The following CAMK2A variants were observed in gnomAD, a reference collection of about 807,000 sequenced individuals.
CAMK2A encodes calcium/calmodulin-dependent protein kinase type II subunit alpha.
In CAMK2A, 7 loss-of-function variants were observed where a neutral mutation model predicts 79.2. The observed-to-expected ratio is 0.09, with a 90% CI of 0.05 to 0.17. The LOEUF (loss-of-function observed/expected upper bound fraction) is 0.17, where lower values mean the gene tolerates loss of function less well. Among genes scored for constraint, CAMK2A ranks in the 10% least tolerant of loss-of-function variants. The pLI is 1.00. For missense variants in CAMK2A, 214 were observed against 646.4 expected (o/e 0.33, Z 7.25); for synonymous variants, 242 against 251.7 (o/e 0.96, Z 0.36).
chr5:150,226,058 T>C (rs1338745119), intron 17 of CAMK2A, among the ~76,000 whole-genome samples: 2 of 152,210 alleles, frequency 1.3e-5, no homozygotes. Flanking sequence ...GAATTCAATC[T>C]TCCTTGTTAG....
At position 150,223,053 on chromosome 5, in the gene CAMK2A, G is replaced by A. The variant is rs754732557; in HGVS notation, c.1402C>T (p.Arg468Cys). The change falls in exon 18 of 19, where the codon CGC becomes TGC. Residue 468 changes from arginine (R) to cysteine (C), a missense_variant. By Grantham distance (180) the Arg-to-Cys change is radical (BLOSUM62 -3). This residue lies in a region of CAMK2A where 123 missense variants were observed against 242.4 expected (regional missense o/e 0.51). Coordinates refer to ENST00000671881, the MANE Select transcript of CAMK2A (RefSeq NM_015981.4). The surrounding 1 kb of genome is among the most constrained non-coding windows in gnomAD (Gnocchi z 4.1). ...ACGATCTGCCATTTGCCATCCCGGC[G>A]GTGCCAGACACGGGTCTCCTCCGAC... ...AQSEETRVWH[R>C]RDGKWQIVHF... 18 of 1,614,130 alleles carry A rather than the reference G, an allele frequency of 1.1e-5. No homozygotes were observed. The highest frequency in any genetic ancestry group is 1.6e-4 in the Middle Eastern group (1 of 6,084).
In CAMK2A at chr5:150,222,731, G is replaced by C. The variant is rs751913190; in HGVS notation, c.1467-18C>G. On this transcript the variant is annotated intron_variant, in intron 18 of 18. Transcript: ENST00000671881. ...TCCCTCAGCTGTAAGACACACACGG[G>C]GTGCTTCTCAGGGCATGGTGTTTCC... 2.0e-5 allele frequency: 33 copies of C among 1,613,842 alleles called. No individual in the cohort carries two copies. The East Asian group carries it at 6.0e-4, about 29-fold the overall frequency.
chr5:150,228,420 G>A (rs1754699413), intron 16 of CAMK2A, 134 bp from the exon 17 acceptor site: 1 of 641,074 alleles, frequency 1.6e-6, no homozygotes, highest in Non-Finnish European at 2.7e-6. Flanking sequence ...GAAGGGGCCA[G>A]GGGCTTGCAA....
chr5:150,222,882 T>C, intron 18 of CAMK2A, 107 bp downstream of exon 18: 2 of 1,399,670 alleles, frequency 1.4e-6, no homozygotes, highest in Non-Finnish European at 2.0e-6. Context: ...CACCCCACTC[T>C]GCAGCCTTTC....
Position 150,221,746 on chromosome 5 carries a change from T to C in CAMK2A, c.*964A>G, listed in dbSNP as rs1469343404. On this transcript the variant is annotated 3_prime_UTR_variant, in exon 19 of 19. Coordinates refer to ENST00000671881, the MANE Select transcript of CAMK2A (RefSeq NM_015981.4). Reference sequence around the variant, plus strand: ...CAGGTGACAAGGTCCACCTCAGAGATGACAAAAAAAAAAAAAAAAACTAGA... The same window carrying C: ...CAGGTGACAAGGTCCACCTCAGAGACGACAAAAAAAAAAAAAAAAACTAGA... 5.7e-6 allele frequency: 2 copies of C among 348,754 alleles called. No homozygotes were observed. The highest frequency in any genetic ancestry group is 6.0e-5 in the African/African-American group (2 of 33,274). The allele number at this position is 348,754 out of a possible 1,614,324, so 21.6% of individuals were successfully genotyped here. A position where few individuals can be genotyped will look rare whatever the true frequency, so the allele number is the denominator to read the frequency against.
At chr5:150,247,952 C>T (rs1755647260) in intron 11 of CAMK2A, 138 bp from the exon 12 acceptor site, 2 of 702,218 alleles carry the variant, frequency 2.8e-6, no homozygotes, top group Non-Finnish European at 4.9e-6. Flanking sequence ...CTGCCCTGCC[C>T]CTCCATTTGT....
At position 150,276,535 on chromosome 5, in the gene CAMK2A, C is replaced by T. The variant is rs1201786946; in HGVS notation, c.63-3376G>A. Among the ~76,000 whole-genome samples, 8 of 152,328 alleles carry T rather than the reference C, an allele frequency of 5.3e-5. No homozygotes were observed. In the South Asian group the frequency reaches 6.2e-4, roughly 12 times the overall value. Reference sequence around the variant, plus strand: ...TAGTCTCTCAAAGGTGCCCACCCTACCCAGGCATGGGGATGGACCCCAAAG... The same window carrying T: ...TAGTCTCTCAAAGGTGCCCACCCTATCCAGGCATGGGGATGGACCCCAAAG... On this transcript the variant is annotated intron_variant, in intron 1 of 18. Coordinates refer to ENST00000671881, the MANE Select transcript of CAMK2A (RefSeq NM_015981.4).
intron 7 of CAMK2A, among the ~76,000 whole-genome samples, 158 bp from the exon 8 acceptor site, chr5:150,252,223 C>T (rs1411067888): frequency 2.6e-5 from 4 of 152,130 alleles, no homozygotes; most frequent in Non-Finnish European, 4.4e-5. Flanking sequence ...TTGTGCAACC[C>T]CAGTCGGCCC....
intron 1 of CAMK2A, among the ~76,000 whole-genome samples, chr5:150,278,851 A>G (rs1379606066): frequency 6.6e-6 from 1 of 152,100 alleles, no homozygotes; most frequent in Non-Finnish European, 1.5e-5. Context: ...GGTGTGACAA[A>G]GCACACGTAT....
intron 15 of CAMK2A, among the ~76,000 whole-genome samples, chr5:150,236,578 T>C (rs1248925866): frequency 6.6e-6 from 1 of 152,198 alleles, no homozygotes; most frequent in Non-Finnish European, 1.5e-5. Context: ...TGGACTCCAG[T>C]GGAGAAGACA....
chr5:150,282,877 G>A (rs1351067928), intron 1 of CAMK2A, among the ~76,000 whole-genome samples: 3 of 152,248 alleles, frequency 2.0e-5, no homozygotes, highest in African/African-American at 7.2e-5. Flanking sequence ...ACTAGCTCCT[G>A]AGGCCACAGC....
intron 2 of CAMK2A, among the ~76,000 whole-genome samples, chr5:150,271,532 C>G (rs1756749984): frequency 6.6e-6 from 1 of 152,228 alleles, no homozygotes; most frequent in Admixed American, 6.5e-5. Context: ...GGCCCTGGCC[C>G]CACACAGCTG....
chr5:150,279,522 C>A (rs1286931754), intron 1 of CAMK2A, among the ~76,000 whole-genome samples: 2 of 152,214 alleles, frequency 1.3e-5, no homozygotes, highest in Non-Finnish European at 2.9e-5. Context: ...ATAGTAAATG[C>A]TCAAGGAACA....
Position 150,250,685 on chromosome 5 carries a change from C to T in CAMK2A, c.816+3G>A. 1 of 1,614,038 alleles carries T rather than the reference C, an allele frequency of 6.2e-7. No individual in the cohort carries two copies. Among genetic ancestry groups the T allele is most frequent in the Non-Finnish European group, 8.5e-7 (1 of 1,179,924 alleles). On this transcript the variant is annotated splice_donor_region_variant and intron_variant, in intron 10 of 18. Coordinates refer to ENST00000671881, the MANE Select transcript of CAMK2A (RefSeq NM_015981.4). ...GGGAGAAGTCCTGCTGAGGAAGGCTCACCGAGATCCAGGGGTGCTTAAGGG... is the reference window on the plus strand; with the variant it reads ...GGGAGAAGTCCTGCTGAGGAAGGCTTACCGAGATCCAGGGGTGCTTAAGGG...
At chr5:150,273,197 C>T in intron 1 of CAMK2A, 38 bp from the exon 2 acceptor site, 3 of 1,488,780 alleles carry the variant, frequency 2.0e-6, no homozygotes, top group Non-Finnish European at 2.8e-6. Context: ...TGAGGGAATG[C>T]CTGAGGGCTG....
intron 15 of CAMK2A, among the ~76,000 whole-genome samples, chr5:150,234,707 C>A (rs1235191071): frequency 6.6e-6 from 1 of 152,146 alleles, no homozygotes. Flanking sequence ...CCTGGAGTCT[C>A]TAGTCAGGGC....
Position 150,219,901 on chromosome 5 carries a change from T to C in CAMK2A, c.*2809A>G, listed in dbSNP as rs1754222150. On this transcript the variant is annotated 3_prime_UTR_variant, in exon 19 of 19. Coordinates refer to ENST00000671881, the MANE Select transcript of CAMK2A (RefSeq NM_015981.4). The stretch of plus-strand genomic sequence containing the variant: ...ATTATTATTATTATTATTTTGCATC[T>C]AAAGGATGTTTTGGAGGAGCACAGA... 1 of 152,138 alleles carries C rather than the reference T, an allele frequency of 6.6e-6. No individual in the cohort carries two copies. The highest frequency in any genetic ancestry group is 1.5e-5 in the Non-Finnish European group (1 of 67,980). 9.4% of individuals were successfully genotyped at this position (152,138 alleles called of 1,614,324 possible).
intron 1 of CAMK2A, among the ~76,000 whole-genome samples, chr5:150,282,140 G>C (rs1393745701): frequency 6.6e-6 from 1 of 152,112 alleles, no homozygotes. Context: ...GACCGCCTGA[G>C]GCTGCAGCCA....
At chr5:150,227,509 G>C (rs1021964366) in intron 17 of CAMK2A, among the ~76,000 whole-genome samples, 1 of 152,134 alleles carries the variant, frequency 6.6e-6, no homozygotes, top group African/African-American at 2.4e-5. Context: ...ATTCTAACCT[G>C]TGTGCGTTTT....
Sources: gnomAD v4.1 joint callset for allele counts (sites outside exome capture counted in the v4.1 genomes callset) on GRCh38, gnomAD v4.1.1 for gene constraint, gnomAD v4.1.1 regional missense constraint, Gnocchi (gnomAD v3.1) non-coding constraint, MANE v1.5 for transcripts, NCBI Gene and HGNC (gene_info 2026-07-23, HGNC 2026-07-21) for gene names.